STRN3: variants seen among roughly 807,000 people sequenced by gnomAD.
The protein encoded by STRN3 is striatin 3.
A neutral mutation model predicts 95.6 loss-of-function variants in STRN3; 29 were observed. That is an observed-to-expected ratio of 0.30 (90% CI 0.23 to 0.41). The LOEUF is 0.41. Among genes scored for constraint, STRN3 ranks in the 10% least tolerant of loss-of-function variants. The pLI is 1.00. For missense variants in STRN3, 890 were observed against 972.1 expected, an observed-to-expected ratio of 0.92 and a Z score of 1.12; for synonymous variants, 331 against 357.6, an observed-to-expected ratio of 0.93 and a Z score of 0.84.
At chr14:30,920,130 T>C (rs1368555256) in intron 8 of STRN3, among the ~76,000 whole-genome samples, 2 of 152,176 alleles carry the variant, frequency 1.3e-5, no homozygotes, top group African/African-American at 2.4e-5. Flanking sequence ...CTAAGAACTA[T>C]TACGCATCTA....
chr14:30,918,888 T>A, intron 9 of STRN3, 78 bp downstream of exon 9: 2 of 1,333,698 alleles, frequency 1.5e-6, no homozygotes, highest in Non-Finnish European at 2.0e-6. Flanking sequence ...TTTATAACAG[T>A]AGCCTAGTTG....
intron 1 of STRN3, among the ~76,000 whole-genome samples, chr14:30,965,278 C>T (rs1056098758): frequency 2.0e-5 from 3 of 152,162 alleles, no homozygotes; most frequent in African/African-American, 7.2e-5. Flanking sequence ...GACAGCAGGC[C>T]AATCCAGAAG....
At chr14:30,923,603 A>G (rs1456514539) in intron 8 of STRN3, among the ~76,000 whole-genome samples, 1 of 152,204 alleles carries the variant, frequency 6.6e-6, no homozygotes, top group Non-Finnish European at 1.5e-5. Flanking sequence ...CATATTCCCC[A>G]AATATGAATT....
At chr14:31,021,796 T>C (rs1365965040) in intron 1 of STRN3, among the ~76,000 whole-genome samples, 2 of 152,090 alleles carry the variant, frequency 1.3e-5, no homozygotes, top group East Asian at 1.9e-4. Context: ...GAAAACATAG[T>C]GTTCTACGAA....
intron 14 of STRN3, 144 bp from the exon 15 acceptor site, chr14:30,905,702 T>G: frequency 3.6e-6 from 3 of 822,006 alleles, no homozygotes; most frequent in Non-Finnish European, 5.5e-6. Flanking sequence ...AACACAACTG[T>G]GTCAGGATGG....
chr14:30,946,789 C>G (rs1879379815), intron 5 of STRN3, among the ~76,000 whole-genome samples: 2 of 151,976 alleles, frequency 1.3e-5, no homozygotes, highest in African/African-American at 4.8e-5. Context: ...ACCAGCCTGG[C>G]CAACGTGGTG....
intron 1 of STRN3, among the ~76,000 whole-genome samples, chr14:30,969,062 C>T (rs576815644): frequency 6.6e-6 from 1 of 152,276 alleles, no homozygotes; most frequent in East Asian, 1.9e-4. Flanking sequence ...TTTCTGTGAA[C>T]TGGATATTAA....
intron 15 of STRN3, among the ~76,000 whole-genome samples, chr14:30,902,938 T>A (rs150936558): frequency 6.6e-6 from 1 of 152,250 alleles, no homozygotes; most frequent in East Asian, 1.9e-4. Context: ...CCACAATTAT[T>A]ACTTCTAATA....
chr14:30,921,069 TATACACACACACAC>T lies in STRN3; in HGVS notation c.1100-1977_1100-1964del, dbSNP rs1368490405. Among the ~76,000 whole-genome samples the T allele has an allele frequency of 7.5e-3, 903 of 119,932 alleles. 9 individuals carry two copies. The highest frequency in any genetic ancestry group is 0.025 in the African/African-American group (811 of 32,594). 78.7% of individuals were successfully genotyped at this position (119,932 alleles called of 152,430 possible). A position where few individuals can be genotyped will look rare whatever the true frequency, so the allele number is the denominator to read the frequency against. ...GGTGAGAAGGCTTTCTACACATACATATACACACACACACACACACACACACACACACACACACT... is the reference window on the plus strand; with the variant it reads ...GGTGAGAAGGCTTTCTACACATACATACACACACACACACACACACACACT... On this transcript the variant is annotated intron_variant, in intron 8 of 17. Transcript: ENST00000357479.
At chr14:30,905,032 A>C (rs1249079978) in intron 15 of STRN3, among the ~76,000 whole-genome samples, 2 of 152,048 alleles carry the variant, frequency 1.3e-5, no homozygotes, top group Non-Finnish European at 2.9e-5. Context: ...TGAGAGACCT[A>C]TCAAACAACT....
intron 3 of STRN3, among the ~76,000 whole-genome samples, chr14:30,955,343 T>C (rs777423817): frequency 6.6e-6 from 1 of 152,198 alleles, no homozygotes; most frequent in Non-Finnish European, 1.5e-5. Flanking sequence ...TTTACTATAA[T>C]ACCTAACTTT....
rs907907201 is a variant in STRN3, at chr14:31,026,109, C to T, written c.77G>A (p.Gly26Glu). ...CCCCCCGGGCGAAAGGCCCAGGTTC[C>T]CCCCAGGTCCCTGCTGCTGCCGGGG... is the stretch of plus-strand genomic sequence containing the variant. ...APPRQQQGPG[G>E]NLGLSPGGNG... Residue 26 changes from glycine (G) to glutamate (E), a missense_variant, in exon 1 of 18, where the codon GGG (glycine) becomes GAG (glutamate). Transcript: ENST00000357479. 2 of 1,513,260 alleles carry T rather than the reference C, an allele frequency of 1.3e-6. No homozygotes were observed. The highest frequency in any genetic ancestry group is 5.4e-5 in the East Asian group (2 of 37,122). 93.7% of individuals were successfully genotyped at this position (1,513,260 alleles called of 1,614,324 possible).
At chr14:30,993,521 G>C (rs551031621) in intron 1 of STRN3, among the ~76,000 whole-genome samples, 2 of 152,228 alleles carry the variant, frequency 1.3e-5, no homozygotes, top group South Asian at 4.1e-4. Flanking sequence ...GTGAATCTTT[G>C]AAGACTGAAA....
rs1348751182 is a variant in STRN3 at position 30,936,524 on chromosome 14, T to G, written c.817A>C (p.Lys273Gln). ...TGTTTATTCATCCGATGTTTGTCTT[T>G]TCCTTCTGGGATGCCTTCGATCATG... The part of the protein sequence containing the change: ...NDMIEGIPEG[K>Q]DKHRMNKHKI... Residue 273 changes from lysine to glutamine, a missense_variant, in exon 6 of 18, where the codon AAA (lysine) becomes CAA (glutamine). Lys to Gln is a moderately conservative substitution (Grantham distance 53). Coordinates refer to ENST00000357479, the MANE Select transcript of STRN3 (RefSeq NM_001083893.2). 1.9e-6 allele frequency: 3 copies of G among 1,613,476 alleles called. No individual in the cohort carries two copies. The highest frequency in any genetic ancestry group is 2.5e-6 in the Non-Finnish European group (3 of 1,179,782).
rs1896103162 is a variant in STRN3, at chr14:30,895,080, G to GAAAAA, written c.*330_*331insTTTTT. ...AAAAAAAAAAAAAAAAAAAAAAAAA[G>GAAAAA]AAGAAGAAGAAGAGAAAAAAAAAAA... On this transcript the variant is annotated 3_prime_UTR_variant, in exon 18 of 18. Transcript: ENST00000357479. 1 of 71,826 alleles carries GAAAAA rather than the reference G, an allele frequency of 1.4e-5. No individual in the cohort carries two copies. The highest frequency in any genetic ancestry group is 2.3e-5 in the Non-Finnish European group (1 of 43,156). 4.4% of individuals were successfully genotyped at this position (71,826 alleles called of 1,614,324 possible). A position where few individuals can be genotyped will look rare whatever the true frequency, so the allele number is the denominator to read the frequency against.
At chr14:31,021,931 A>G (rs751029841) in intron 1 of STRN3, among the ~76,000 whole-genome samples, 15 of 152,184 alleles carry the variant, frequency 9.9e-5, no homozygotes, top group Non-Finnish European at 8.8e-5. Flanking sequence ...AGGGCTTCAA[A>G]AAGAAACAGG....
intron 1 of STRN3, among the ~76,000 whole-genome samples, chr14:30,964,823 G>C (rs535177848): frequency 1.3e-5 from 2 of 152,038 alleles, no homozygotes; most frequent in Non-Finnish European, 2.9e-5. Flanking sequence ...CAGAGACTGA[G>C]GCAGGAGAAT....
chr14:30,963,339 C>T (rs1880307663), intron 1 of STRN3, among the ~76,000 whole-genome samples: 1 of 152,146 alleles, frequency 6.6e-6, no homozygotes, highest in Admixed American at 6.5e-5. Flanking sequence ...CAAAAAAATA[C>T]ACATCTTAAG....
At chr14:30,938,493 G>A (rs558439306) in intron 5 of STRN3, among the ~76,000 whole-genome samples, 44 of 152,116 alleles carry the variant, frequency 2.9e-4, no homozygotes, top group Middle Eastern at 3.4e-3. Flanking sequence ...CTGCTCCTTG[G>A]ATAGAAATTT....
Sources: gnomAD v4.1 joint callset for allele counts (sites outside exome capture counted in the v4.1 genomes callset) on GRCh38, gnomAD v4.1.1 for gene constraint, MANE v1.5 for transcripts, NCBI Gene and HGNC (gene_info 2026-07-23, HGNC 2026-07-21) for gene names.